The following NSRP1 variants were observed in gnomAD, a reference collection of about 807,000 sequenced individuals.
NSRP1 encodes the protein coiled-coil domain containing 55.
In NSRP1, 24 loss-of-function variants were observed where a neutral mutation model predicts 54.7. The ratio of observed to expected loss-of-function variants is 0.44; its 90% CI spans 0.32 to 0.62. The LOEUF (loss-of-function observed/expected upper bound fraction) is 0.62. Ranked by LOEUF, NSRP1 falls within the 20% of genes least tolerant of loss-of-function variation. The pLI is 0.06. For synonymous variants in NSRP1, 210 were observed against 213.8 expected (o/e 0.98, Z 0.15); for missense variants, 596 against 651.2 (o/e 0.92, Z 0.92).
chr17:30,183,636 A>G (rs889586585), intron 6 of NSRP1, among the ~76,000 whole-genome samples: 1 of 152,202 alleles, frequency 6.6e-6, no homozygotes, highest in Non-Finnish European at 1.5e-5. Context: ...TTAGTAAGTG[A>G]TTAGTAAGAA....
intron 2 of NSRP1, among the ~76,000 whole-genome samples, chr17:30,142,768 TC>T (rs1446748014): frequency 2.0e-5 from 3 of 152,234 alleles, no homozygotes; most frequent in Non-Finnish European, 1.5e-5. Context: ...GTTGTCTCCA[TC>T]CGACTTTGTT....
intron 2 of NSRP1, among the ~76,000 whole-genome samples, chr17:30,158,212 A>G (rs1904380555): frequency 6.6e-6 from 1 of 151,610 alleles, no homozygotes; most frequent in South Asian, 2.1e-4. Context: ...CATTTCACTG[A>G]TGATTAGTGA....
chr17:30,183,278 A>G (rs888070945), intron 6 of NSRP1, among the ~76,000 whole-genome samples: 1 of 151,386 alleles, frequency 6.6e-6, no homozygotes, highest in Non-Finnish European at 1.5e-5. Context: ...CTGTGTTGCT[A>G]AGGAAGGGAA....
chr17:30,123,396 A>T (rs1209261296), intron 2 of NSRP1, among the ~76,000 whole-genome samples: 1 of 152,220 alleles, frequency 6.6e-6, no homozygotes, highest in African/African-American at 2.4e-5. Flanking sequence ...GATTACAGGC[A>T]TGAGCCACCG....
At chr17:30,175,469 C>G (rs891358583) in intron 3 of NSRP1, among the ~76,000 whole-genome samples, 1 of 151,908 alleles carries the variant, frequency 6.6e-6, no homozygotes, top group Non-Finnish European at 1.5e-5. Context: ...GAGTCTTGCT[C>G]TGTACCTAGG....
chr17:30,178,093 C>T lies in NSRP1; in HGVS notation c.194C>T (p.Ala65Val). 6.2e-7 allele frequency: 1 copy of T among 1,611,552 alleles called. No individual in the cohort carries two copies. The highest frequency in any genetic ancestry group is 1.1e-5 in the South Asian group (1 of 90,184). ...AAGACCAAACTGGAAATCCAGAAGG[C>T]CCTTGCAGAAGATGCTACTGTGTAT... ...MKQTKLEIQK[A>V]LAEDATVYEY... Residue 65 changes from alanine (A) to valine (V), a missense_variant, in exon 4 of 7, where the codon GCC (alanine) becomes GTC (valine). Coordinates refer to ENST00000247026, the MANE Select transcript of NSRP1 (RefSeq NM_032141.4).
At chr17:30,125,624 T>C (rs1174447079) in intron 2 of NSRP1, among the ~76,000 whole-genome samples, 1 of 152,220 alleles carries the variant, frequency 6.6e-6, no homozygotes, top group Non-Finnish European at 1.5e-5. Context: ...CTCGGGTCAC[T>C]GCAGCCTCCA....
Position 30,185,877 on chromosome 17 carries a change from C to A in NSRP1, c.*203C>A. On this transcript the variant is annotated 3_prime_UTR_variant, in exon 7 of 7. Transcript: ENST00000247026. ...GCTGAATTTATATATAGTGTGTACTCATCAATACCACATTCTTTGTTGTAT... is the reference window on the plus strand; with the variant it reads ...GCTGAATTTATATATAGTGTGTACTAATCAATACCACATTCTTTGTTGTAT... 1 of 415,996 alleles carries A rather than the reference C, an allele frequency of 2.4e-6. No homozygotes were observed. Among genetic ancestry groups the A allele is most frequent in the Non-Finnish European group, 4.2e-6 (1 of 239,216 alleles). The allele number at this position is 415,996 out of a possible 1,614,324, so 25.8% of individuals were successfully genotyped here. A position where few individuals can be genotyped will look rare whatever the true frequency, so the allele number is the denominator to read the frequency against.
At chr17:30,161,813 A>T (rs1904526682) in intron 2 of NSRP1, among the ~76,000 whole-genome samples, 1 of 152,120 alleles carries the variant, frequency 6.6e-6, no homozygotes, top group South Asian at 2.1e-4. Flanking sequence ...TCTCTGTCAC[A>T]TTTTTATGTT....
chr17:30,158,871 G>GT (rs1395015800), intron 2 of NSRP1, among the ~76,000 whole-genome samples: 18 of 152,248 alleles, frequency 1.2e-4, no homozygotes, highest in African/African-American at 4.1e-4. Flanking sequence ...TGATAGCCTT[G>GT]TGGTATATTT....
chr17:30,147,123 TTTTCTTTTC>T (rs2071863064), intron 2 of NSRP1, among the ~76,000 whole-genome samples: 1 of 118,076 alleles, frequency 8.5e-6, no homozygotes, highest in African/African-American at 3.2e-5. Context: ...TTTCTTTTTC[TTTTCTTTTC>T]TTTTTTTTTT....
In NSRP1 at chr17:30,184,978, C is replaced by G. The variant is rs561206034; in HGVS notation, c.981C>G (p.Asp327Glu). ...AGCACCAGCAGAAGCAATCCAGAGA[C>G]CAAGAGAACCATTACACTGACCGTG... ...EDQHQQKQSR[D>E]QENHYTDRDY... Residue 327 changes from aspartate (D) to glutamate (E), a missense_variant, in exon 7 of 7, where the codon GAC becomes GAG. Asp to Glu is a conservative substitution (Grantham distance 45). Coordinates refer to ENST00000247026, the MANE Select transcript of NSRP1 (RefSeq NM_032141.4). 6.3e-5 allele frequency: 102 copies of G among 1,613,944 alleles called. 1 individual carries two copies. In the South Asian group the frequency reaches 1.1e-3, roughly 17 times the overall value.
chr17:30,146,399 T>TTAA, intron 2 of NSRP1, among the ~76,000 whole-genome samples: 1 of 152,222 alleles, frequency 6.6e-6, no homozygotes, highest in East Asian at 1.9e-4. Flanking sequence ...TTTAGACTTT[T>TTAA]TAAATTTTAA....
intron 2 of NSRP1, among the ~76,000 whole-genome samples, chr17:30,170,345 A>C (rs1335819747): frequency 1.3e-5 from 2 of 152,128 alleles, no homozygotes. Flanking sequence ...CAATTTACTC[A>C]TTTAGCATGA....
intron 2 of NSRP1, chr17:30,127,954 C>T: frequency 2.5e-6 from 1 of 397,864 alleles, no homozygotes; most frequent in Non-Finnish European, 4.4e-6. Context: ...CTCACCTCAG[C>T]CTCCCAAGTA....
intron 2 of NSRP1, among the ~76,000 whole-genome samples, chr17:30,128,688 T>A (rs2071672777): frequency 6.6e-6 from 1 of 152,130 alleles, no homozygotes; most frequent in Non-Finnish European, 1.5e-5. Context: ...TTCAAAAGCA[T>A]TTATCTTGGG....
In NSRP1 at chr17:30,138,909, G is replaced by GTT. The variant is rs964449971; in HGVS notation, c.114+20761_114+20762dup. The stretch of plus-strand genomic sequence containing the variant: ...ATGAAGTGGTATCTCAAGTCTTAGC[G>GTT]TTTTTTTTTTTTTTTTTTTTTTTTT... On this transcript the variant is annotated intron_variant, in intron 2 of 6. Transcript: ENST00000247026. 5.3e-3 allele frequency among the ~76,000 whole-genome samples: 310 copies of GTT among 58,174 alleles called. 102 individuals are homozygous for GTT. The highest frequency in any genetic ancestry group is 0.015 in the African/African-American group (241 of 15,686). The allele number at this position is 58,174 out of a possible 152,430, so 38.2% of individuals were successfully genotyped here. A position where few individuals can be genotyped will look rare whatever the true frequency, so the allele number is the denominator to read the frequency against.
At chr17:30,121,091 G>T (rs1489765027) in intron 2 of NSRP1, among the ~76,000 whole-genome samples, 2 of 152,264 alleles carry the variant, frequency 1.3e-5, no homozygotes, top group South Asian at 4.1e-4. Flanking sequence ...GGAGAAGAGG[G>T]TATATAGGAA....
intron 2 of NSRP1, among the ~76,000 whole-genome samples, chr17:30,142,126 A>G (rs1391053490): frequency 1.3e-5 from 2 of 152,196 alleles, no homozygotes; most frequent in Admixed American, 6.5e-5. Flanking sequence ...CAATTTGTGT[A>G]TCTCGTCCAA....
Sources: gnomAD v4.1 joint callset for allele counts (sites outside exome capture counted in the v4.1 genomes callset) on GRCh38, gnomAD v4.1.1 for gene constraint, MANE v1.5 for transcripts, NCBI Gene and HGNC (gene_info 2026-07-23, HGNC 2026-07-21) for gene names.